Variants in MACROD2 observed in about 807,000 individuals in gnomAD.
The protein encoded by MACROD2 is ADP-ribose glycohydrolase MACROD2.
In MACROD2, 36 loss-of-function variants were observed where a neutral mutation model predicts 70.4. The observed-to-expected ratio is 0.51, with a 90% CI of 0.39 to 0.68. MACROD2 has a LOEUF of 0.68. Among genes scored for constraint, MACROD2 ranks in the 30% least tolerant of loss-of-function variants. MACROD2 has a pLI of 0.00. For synonymous variants in MACROD2, 172 were observed against 178.8 expected, an observed-to-expected ratio of 0.96 and a Z score of 0.30; for missense variants, 496 against 538.4, an observed-to-expected ratio of 0.92 and a Z score of 0.78.
In MACROD2 at chr20:15,224,538, A is replaced by G. The variant is rs973166674; in HGVS notation, c.419-5402A>G. 6.6e-5 allele frequency among the ~76,000 whole-genome samples: 10 copies of G among 152,218 alleles called. No individual in the cohort carries two copies. In the East Asian group the frequency reaches 1.9e-3, roughly 29 times the overall value. On this transcript the variant is annotated intron_variant, in intron 5 of 17. Transcript: ENST00000684519. ...TCTGGGTTGCTTGAAAAGTAGGCGTAGATTAAATTTTTACATAGTCTTTTC... is the reference window on the plus strand; with the variant it reads ...TCTGGGTTGCTTGAAAAGTAGGCGTGGATTAAATTTTTACATAGTCTTTTC...
chr20:14,036,597 C>T (rs1237062639), intron 2 of MACROD2, among the ~76,000 whole-genome samples: 1 of 152,168 alleles, frequency 6.6e-6, no homozygotes, highest in Admixed American at 6.5e-5. Context: ...TTACTTCAGA[C>T]TTCAGCTTTT....
chr20:15,221,554 A>G (rs2076861527), intron 5 of MACROD2, among the ~76,000 whole-genome samples: 1 of 152,210 alleles, frequency 6.6e-6, no homozygotes. Context: ...AATCTGTGTT[A>G]TTAAAAAGGG....
chr20:14,163,239 G>GT (rs1427402562), intron 3 of MACROD2, among the ~76,000 whole-genome samples: 4 of 152,022 alleles, frequency 2.6e-5, no homozygotes, highest in East Asian at 1.9e-4. Context: ...ATGGCTGTCA[G>GT]TTTTTTTTCT....
chr20:14,451,635 G>A (rs968403070), intron 3 of MACROD2, among the ~76,000 whole-genome samples: 12 of 152,134 alleles, frequency 7.9e-5, no homozygotes, highest in Admixed American at 2.0e-4. Context: ...CCCAGGGCAC[G>A]TAGACTCAGC....
At position 15,460,996 on chromosome 20, in the gene MACROD2, A is replaced by T. The variant is rs1337663792; in HGVS notation, c.571+29561A>T. Among the ~76,000 whole-genome samples the T allele has an allele frequency of 2.9e-4, 23 of 79,174 alleles. 1 individual carries two copies. The highest frequency in any genetic ancestry group is 1.2e-3 in the African/African-American group (22 of 18,570). The allele number at this position is 79,174 out of a possible 152,430, so 51.9% of individuals were successfully genotyped here. A position where few individuals can be genotyped will look rare whatever the true frequency, so the allele number is the denominator to read the frequency against. On this transcript the variant is annotated intron_variant, in intron 7 of 17. Transcript: ENST00000684519. The stretch of plus-strand genomic sequence containing the variant: ...TCTCTCCATATATATATATATATAT[A>T]TATATATATATTTTTTTTTAATAGA...
chr20:15,727,638 T>A (rs1434728694), intron 8 of MACROD2, among the ~76,000 whole-genome samples: 1 of 152,148 alleles, frequency 6.6e-6, no homozygotes, highest in African/African-American at 2.4e-5. Context: ...TAATTCTCAC[T>A]GTAGAGACCT....
At chr20:15,110,961 A>G (rs2075949547) in intron 5 of MACROD2, among the ~76,000 whole-genome samples, 2 of 152,196 alleles carry the variant, frequency 1.3e-5, no homozygotes, top group Admixed American at 6.5e-5. Context: ...CAGCACCTGC[A>G]TCCAATACTT....
At chr20:14,088,684 G>A (rs554424315) in intron 3 of MACROD2, among the ~76,000 whole-genome samples, 63 of 152,266 alleles carry the variant, frequency 4.1e-4, no homozygotes, top group African/African-American at 1.5e-3. Flanking sequence ...AATGGTCTTT[G>A]TTGGATTTTG....
rs555164458 is a variant in MACROD2 at position 14,833,739 on chromosome 20, G to A, written c.418+148780G>A. On this transcript the variant is annotated intron_variant, in intron 5 of 17. Transcript: ENST00000684519. The stretch of plus-strand genomic sequence containing the variant: ...GTTTTCAATTATTACATTTTGAAAT[G>A]CTAGTGGAAAATGCTGTCTGCCTTA... Among the ~76,000 whole-genome samples the A allele has an allele frequency of 6.5e-4, 99 of 152,156 alleles. 2 individuals carry two copies. Among genetic ancestry groups the A allele is most frequent in the Non-Finnish European group, 7.6e-4 (52 of 67,984 alleles).
At chr20:14,605,132 A>T (rs1982721822) in intron 4 of MACROD2, among the ~76,000 whole-genome samples, 1 of 152,172 alleles carries the variant, frequency 6.6e-6, no homozygotes, top group African/African-American at 2.4e-5. Context: ...ATAGCTAGTA[A>T]AGGGATATAT....
intron 5 of MACROD2, among the ~76,000 whole-genome samples, chr20:14,833,183 T>C (rs1252976585): frequency 6.6e-6 from 1 of 152,120 alleles, no homozygotes; most frequent in Non-Finnish European, 1.5e-5. Flanking sequence ...GTCCAAAGGA[T>C]TGGATGTTCA....
intron 5 of MACROD2, among the ~76,000 whole-genome samples, chr20:14,881,851 C>G (rs535264240): frequency 1.5e-4 from 23 of 152,260 alleles, no homozygotes; most frequent in African/African-American, 5.1e-4. Context: ...ATTCAAGTCC[C>G]TGCTACCTAG....
At chr20:15,666,187 G>T (rs1379231026) in intron 8 of MACROD2, among the ~76,000 whole-genome samples, 2 of 152,162 alleles carry the variant, frequency 1.3e-5, no homozygotes, top group Admixed American at 6.6e-5. Flanking sequence ...ACACAGAGTG[G>T]CATATATCCC....
At chr20:14,810,288 T>C (rs187401532) in intron 5 of MACROD2, among the ~76,000 whole-genome samples, 7 of 152,130 alleles carry the variant, frequency 4.6e-5, no homozygotes, top group African/African-American at 9.6e-5. Flanking sequence ...GTTCAACATA[T>C]GAAAATCAAT....
At chr20:14,558,855 A>G in intron 4 of MACROD2, among the ~76,000 whole-genome samples, 1 of 151,802 alleles carries the variant, frequency 6.6e-6, no homozygotes, top group Non-Finnish European at 1.5e-5. Flanking sequence ...TGTATTAGGT[A>G]TTGAAGTGTT....
intron 7 of MACROD2, among the ~76,000 whole-genome samples, chr20:15,462,708 C>A (rs765724032): frequency 6.6e-6 from 1 of 152,168 alleles, no homozygotes; most frequent in Non-Finnish European, 1.5e-5. Context: ...AAAAGGAGAA[C>A]AGTATTTACT....
At chr20:14,592,603 G>C (rs556846052) in intron 4 of MACROD2, among the ~76,000 whole-genome samples, 1 of 151,936 alleles carries the variant, frequency 6.6e-6, no homozygotes, top group Non-Finnish European at 1.5e-5. Context: ...TTTTAAAAAA[G>C]ATTTTTGTAG....
chr20:15,711,647 A>C (rs2050630063), intron 8 of MACROD2, among the ~76,000 whole-genome samples: 1 of 152,172 alleles, frequency 6.6e-6, no homozygotes, highest in Non-Finnish European at 1.5e-5. Flanking sequence ...GTGGCTTTTG[A>C]GCTTTGATTT....
intron 6 of MACROD2, among the ~76,000 whole-genome samples, chr20:15,230,391 C>G (rs551218511): frequency 6.6e-6 from 1 of 152,272 alleles, no homozygotes; most frequent in Admixed American, 6.5e-5. Context: ...AGGAAAATAG[C>G]AAGTGCTGAG....
Sources: gnomAD v4.1 joint callset for allele counts (sites outside exome capture counted in the v4.1 genomes callset) on GRCh38, gnomAD v4.1.1 for gene constraint, MANE v1.5 for transcripts, NCBI Gene and HGNC (gene_info 2026-07-23, HGNC 2026-07-21) for gene names.